The following ARHGEF33 variants were observed in gnomAD, a reference collection of about 807,000 sequenced individuals.
ARHGEF33 encodes DH and coiled-coil domain-containing protein ENSP00000381780.
In ARHGEF33, 72 loss-of-function variants were observed where a neutral mutation model predicts 101.9. The ratio of observed to expected loss-of-function variants is 0.71; its 90% CI spans 0.58 to 0.86. ARHGEF33 has a LOEUF of 0.86. ARHGEF33 is among the 40% of genes least tolerant of loss of function. The pLI is 0.00. For missense variants in ARHGEF33, 1,169 were observed against 1,111.3 expected (o/e 1.05, Z -0.74); for synonymous variants, 499 against 442.5 (o/e 1.13, Z -1.60).
chr2:38,969,171 C>T (rs993544123), intron 17 of ARHGEF33, among the ~76,000 whole-genome samples: 2 of 152,178 alleles, frequency 1.3e-5, no homozygotes, highest in African/African-American at 2.4e-5. Flanking sequence ...CCAGAAGAGA[C>T]ATTCAGCCCA....
intron 4 of ARHGEF33, among the ~76,000 whole-genome samples, chr2:38,927,319 C>A (rs930731451): frequency 1.3e-5 from 2 of 152,160 alleles, no homozygotes; most frequent in African/African-American, 4.8e-5. Context: ...ATGTGCATGA[C>A]CTTATTCTGA....
At position 38,940,141 on chromosome 2, in the gene ARHGEF33, A is replaced by G. The variant is rs547320199; in HGVS notation, c.790+2582A>G. Among the ~76,000 whole-genome samples, 23 of 152,306 alleles carry G rather than the reference A, an allele frequency of 1.5e-4. 1 individual carries two copies. The South Asian group carries it at 2.9e-3, about 19-fold the overall frequency. ...TTAGACTCTCCTTTTAAAAATTCCA[A>G]TTATCAGGTAATTGACATCTTGACA... On this transcript the variant is annotated intron_variant, in intron 9 of 17. Transcript: ENST00000409978.
At chr2:38,900,169 T>G (rs887887651) in intron 2 of ARHGEF33, among the ~76,000 whole-genome samples, 6 of 152,154 alleles carry the variant, frequency 3.9e-5, no homozygotes, top group Non-Finnish European at 8.8e-5. Flanking sequence ...TCGCTCCAGC[T>G]TGGGCAACAG....
chr2:38,936,175 C>G (rs1667125093), intron 8 of ARHGEF33, among the ~76,000 whole-genome samples: 1 of 152,098 alleles, frequency 6.6e-6, no homozygotes, highest in African/African-American at 2.4e-5. Context: ...TAGTTTAATT[C>G]AAAAGTTACC....
At chr2:38,956,290 G>A (rs879610940) in intron 13 of ARHGEF33, among the ~76,000 whole-genome samples, 8 of 152,174 alleles carry the variant, frequency 5.3e-5, no homozygotes, top group Non-Finnish European at 7.4e-5. Flanking sequence ...TACCTTCTTC[G>A]TACCTCGATT....
rs539678354 is a variant in ARHGEF33, at chr2:38,907,443, C to A, written c.-86+11594C>A. On this transcript the variant is annotated intron_variant, in intron 2 of 17. Coordinates refer to ENST00000409978, the MANE Select transcript of ARHGEF33 (RefSeq NM_001145451.5). ...TTTCATCTGAACTATGAAAAAAATT[C>A]TCCCAGGAGGGGCAGCAGTAACCTG... is the stretch of plus-strand genomic sequence containing the variant. Among the ~76,000 whole-genome samples the A allele has an allele frequency of 2.0e-5, 3 of 152,270 alleles. No homozygotes were observed. The South Asian group carries it at 6.2e-4, about 32-fold the overall frequency.
chr2:38,951,579 C>T (rs191853161), intron 11 of ARHGEF33, among the ~76,000 whole-genome samples: 14 of 151,180 alleles, frequency 9.3e-5, no homozygotes, highest in East Asian at 5.8e-4. Context: ...CTAGCTTGAG[C>T]GACACAGCAA....
intron 9 of ARHGEF33, among the ~76,000 whole-genome samples, chr2:38,940,529 A>T (rs1667277000): frequency 6.6e-6 from 1 of 151,752 alleles, no homozygotes; most frequent in Non-Finnish European, 1.5e-5. Flanking sequence ...CTTCTTAAGA[A>T]TTCCCTTTAT....
intron 16 of ARHGEF33, among the ~76,000 whole-genome samples, chr2:38,964,337 C>G (rs1052779880): frequency 1.2e-4 from 18 of 152,026 alleles, no homozygotes; most frequent in African/African-American, 4.4e-4. Context: ...AACTCACTTG[C>G]AACTGTAAAG....
chr2:38,931,388 T>C, intron 7 of ARHGEF33, 137 bp downstream of exon 7: 1 of 751,058 alleles, frequency 1.3e-6, no homozygotes, highest in East Asian at 2.8e-5. Flanking sequence ...TAACTGGAAT[T>C]CAGAAGAATC....
chr2:38,914,196 C>T (rs1467487761), intron 2 of ARHGEF33, among the ~76,000 whole-genome samples: 1 of 152,132 alleles, frequency 6.6e-6, no homozygotes, highest in Non-Finnish European at 1.5e-5. Flanking sequence ...GCAGCCTAGC[C>T]ACATCTATGG....
intron 10 of ARHGEF33, among the ~76,000 whole-genome samples, chr2:38,946,860 A>C (rs977161781): frequency 6.6e-6 from 1 of 152,150 alleles, no homozygotes; most frequent in Non-Finnish European, 1.5e-5. Flanking sequence ...TCCTGACCTC[A>C]AGTGATCTAT....
rs545626967 is a variant in ARHGEF33, at chr2:38,913,648, C to T, written c.-85-5715C>T. On this transcript the variant is annotated intron_variant, in intron 2 of 17. Coordinates refer to ENST00000409978, the MANE Select transcript of ARHGEF33 (RefSeq NM_001145451.5). Reference sequence around the variant, plus strand: ...AAAATTAGCTGGGCGTGGTGGCGCACGCCTGTAATCCCAGCTATTCAGGAG... The same window carrying T: ...AAAATTAGCTGGGCGTGGTGGCGCATGCCTGTAATCCCAGCTATTCAGGAG... Among the ~76,000 whole-genome samples the T allele has an allele frequency of 5.9e-5, 9 of 151,808 alleles. No individual in the cohort carries two copies. In the South Asian group the frequency reaches 1.0e-3, roughly 18 times the overall value.
At chr2:38,914,979 G>A (rs186197912) in intron 2 of ARHGEF33, among the ~76,000 whole-genome samples, 3 of 151,658 alleles carry the variant, frequency 2.0e-5, no homozygotes, top group Admixed American at 6.6e-5. Flanking sequence ...TTTTCTTCAT[G>A]TATTTTATCT....
At chr2:38,925,141 A>G (rs147506361) in intron 4 of ARHGEF33, among the ~76,000 whole-genome samples, 2 of 152,338 alleles carry the variant, frequency 1.3e-5, no homozygotes, top group Non-Finnish European at 2.9e-5. Flanking sequence ...ATCTGCATTT[A>G]TATGCATAGA....
At chr2:38,928,693 G>C (rs182281829) in intron 4 of ARHGEF33, 83 of 341,890 alleles carry the variant, frequency 2.4e-4, no homozygotes, top group African/African-American at 1.7e-3. Context: ...CATTTATCAA[G>C]CTTCAGCATA....
At chr2:38,891,340 C>T (rs1481010515) in intron 1 of ARHGEF33, among the ~76,000 whole-genome samples, 1 of 152,044 alleles carries the variant, frequency 6.6e-6, no homozygotes, top group Non-Finnish European at 1.5e-5. Context: ...AATGTAGATA[C>T]AAAGATCAAC....
intron 2 of ARHGEF33, among the ~76,000 whole-genome samples, chr2:38,913,115 C>G (rs187183070): frequency 1.7e-3 from 260 of 151,396 alleles, no homozygotes; most frequent in Non-Finnish European, 2.7e-3. Context: ...TGTCTCACTG[C>G]AGCCTTGAAC....
At chr2:38,910,210 C>G (rs1244933901) in intron 2 of ARHGEF33, among the ~76,000 whole-genome samples, 1 of 152,154 alleles carries the variant, frequency 6.6e-6, no homozygotes, top group African/African-American at 2.4e-5. Context: ...AAAATTTATA[C>G]TGTTTTTAAA....
Sources: allele counts gnomAD v4.1 joint callset (sites outside exome capture counted in the v4.1 genomes callset), GRCh38; gene constraint gnomAD v4.1.1; transcripts MANE v1.5; gene names NCBI Gene and HGNC (gene_info 2026-07-23, HGNC 2026-07-21).